HTR2C: variants seen among roughly 807,000 people sequenced by gnomAD.
The protein encoded by HTR2C is 5-hydroxytryptamine receptor 2C.
In HTR2C, 5 loss-of-function variants were observed where a neutral mutation model predicts 21.0. The ratio of observed to expected loss-of-function variants is 0.24; its 90% CI spans 0.12 to 0.50. The LOEUF (loss-of-function observed/expected upper bound fraction) is 0.50, where lower values mean the gene tolerates loss of function less well. HTR2C is among the 20% of genes least tolerant of loss of function. The pLI is 0.98. For missense variants in HTR2C, 271 were observed against 371.2 expected (o/e 0.73, Z 2.22); for synonymous variants, 150 against 145.3 (o/e 1.03, Z -0.23).
chrX:114,900,256 T>A (rs1185572078), intron 5 of HTR2C: 2 of 139,366 alleles, frequency 1.4e-5, no homozygotes, highest in African/African-American at 6.3e-5. Context: ...TCAGTTTTAC[T>A]ATTAAACTTA....
At chrX:114,749,076 A>T (rs1484018972) in intron 4 of HTR2C, among the ~76,000 whole-genome samples, 3 of 110,649 alleles carry the variant, frequency 2.7e-5, no homozygotes, top group African/African-American at 9.8e-5. Flanking sequence ...TTGAACAGAC[A>T]CTTCACCAAG....
At chrX:114,761,949 G>A (rs1012348037) in intron 4 of HTR2C, among the ~76,000 whole-genome samples, 12 of 105,478 alleles carry the variant, frequency 1.1e-4, no homozygotes, top group Non-Finnish European at 2.1e-4. Flanking sequence ...GTATATATAC[G>A]TGTATATATA....
intron 4 of HTR2C, among the ~76,000 whole-genome samples, chrX:114,758,968 TA>T (rs782471314): frequency 8.9e-6 from 1 of 112,115 alleles, no homozygotes; most frequent in Non-Finnish European, 1.9e-5. Context: ...TTTTATCATT[TA>T]CATAACAGTG....
intron 5 of HTR2C, among the ~76,000 whole-genome samples, chrX:114,898,712 A>C (rs1008214033): frequency 3.6e-5 from 4 of 111,626 alleles, no homozygotes; most frequent in African/African-American, 1.3e-4. Flanking sequence ...GTAGGTGTGC[A>C]GTCTTATTTC....
chrX:114,851,898 T>C (rs1302258497), intron 5 of HTR2C, among the ~76,000 whole-genome samples: 3 of 111,279 alleles, frequency 2.7e-5, no homozygotes, highest in Non-Finnish European at 5.7e-5. Context: ...TATCAATACC[T>C]TTAATCCCAA....
At chrX:114,825,459 T>A (rs1181399670) in intron 4 of HTR2C, among the ~76,000 whole-genome samples, 1 of 112,284 alleles carries the variant, frequency 8.9e-6, no homozygotes, top group Non-Finnish European at 1.9e-5. Context: ...TCAGGTTAAT[T>A]CTGTTATACT....
intron 2 of HTR2C, among the ~76,000 whole-genome samples, chrX:114,627,219 T>G (rs900976104): frequency 9.0e-6 from 1 of 111,236 alleles, no homozygotes; most frequent in Non-Finnish European, 1.9e-5. Flanking sequence ...TTTCACATAA[T>G]TTGCTGTAAA....
chrX:114,639,822 A>T (rs1052191967), intron 2 of HTR2C, among the ~76,000 whole-genome samples: 1 of 111,706 alleles, frequency 9.0e-6, no homozygotes, highest in Admixed American at 9.6e-5. Context: ...TTTGTATTTA[A>T]CCTTGTGTAA....
chrX:114,906,462 G>A (rs1277509036), intron 5 of HTR2C, 127 bp from the exon 6 acceptor site: 1 of 485,368 alleles, frequency 2.1e-6, no homozygotes, highest in African/African-American at 2.4e-5. Flanking sequence ...ATTATGCCGT[G>A]AATAGCTTTC....
At chrX:114,738,602 A>G (rs1250349556) in intron 4 of HTR2C, among the ~76,000 whole-genome samples, 3 of 110,223 alleles carry the variant, frequency 2.7e-5, no homozygotes, top group Non-Finnish European at 5.7e-5. Context: ...ACACATGGAC[A>G]CAGGGAGGGG....
At chrX:114,617,559 T>G (rs1387121051) in intron 2 of HTR2C, among the ~76,000 whole-genome samples, 1 of 112,606 alleles carries the variant, frequency 8.9e-6, no homozygotes, top group East Asian at 2.8e-4. Context: ...TAGTTATCTG[T>G]TTTATTCACA....
At chrX:114,655,143 C>T (rs1291586733) in intron 2 of HTR2C, among the ~76,000 whole-genome samples, 1 of 110,534 alleles carries the variant, frequency 9.0e-6, no homozygotes, top group South Asian at 3.8e-4. Context: ...AGTAGACTTC[C>T]TGGAGACTAA....
chrX:114,701,727 T>C (rs913819885), intron 2 of HTR2C, among the ~76,000 whole-genome samples: 16 of 111,524 alleles, frequency 1.4e-4, no homozygotes, highest in African/African-American at 3.9e-4. Context: ...CCTTGACGAG[T>C]TGAGAGAAGA....
chrX:114,723,084 G>C (rs782160499), intron 2 of HTR2C, among the ~76,000 whole-genome samples: 1 of 111,109 alleles, frequency 9.0e-6, no homozygotes, highest in Non-Finnish European at 1.9e-5. Flanking sequence ...AGTTTCAGAA[G>C]GAATGGTACC....
At chrX:114,775,242 C>T (rs1453884909) in intron 4 of HTR2C, 9 of 519,378 alleles carry the variant, frequency 1.7e-5, no homozygotes, top group Admixed American at 4.6e-5. Flanking sequence ...CTTGCTCAAA[C>T]GGTGCTTGTC....
chrX:114,606,105 G>T (rs1318623038), intron 1 of HTR2C, among the ~76,000 whole-genome samples: 1 of 110,512 alleles, frequency 9.0e-6, no homozygotes, highest in Non-Finnish European at 1.9e-5. Flanking sequence ...AGAGATAAGA[G>T]GTTGGGGCAT....
chrX:114,902,601 T>TTGTA (rs2071344414), intron 5 of HTR2C, among the ~76,000 whole-genome samples: 1 of 109,935 alleles, frequency 9.1e-6, no homozygotes, highest in Non-Finnish European at 1.9e-5. Context: ...TGAAAATTTA[T>TTGTA]TGTATTTATT....
chrX:114,605,923 G>A (rs143551833), intron 1 of HTR2C, among the ~76,000 whole-genome samples: 2,052 of 106,446 alleles, frequency 0.019, 59 homozygotes, highest in African/African-American at 0.06. Context: ...GGATTGGGGC[G>A]CAGAGAAATA....
chrX:114,606,468 C>G (rs1446919724), intron 1 of HTR2C, among the ~76,000 whole-genome samples: 1 of 111,589 alleles, frequency 9.0e-6, no homozygotes. Flanking sequence ...GGCTGCCTTC[C>G]CAGTCCGTGA....
Sources: allele counts gnomAD v4.1 joint callset (sites outside exome capture counted in the v4.1 genomes callset), GRCh38; gene constraint gnomAD v4.1.1; transcripts MANE v1.5; gene names NCBI Gene and HGNC (gene_info 2026-07-23, HGNC 2026-07-21).